The following KIAA0232 variants were observed in gnomAD, a reference collection of about 807,000 sequenced individuals.
The protein encoded by KIAA0232 is uncharacterized protein KIAA0232.
In KIAA0232, 27 loss-of-function variants were observed where a neutral mutation model predicts 122.0. The observed-to-expected ratio is 0.22, with a 90% CI of 0.16 to 0.31. The LOEUF (loss-of-function observed/expected upper bound fraction) is 0.31. Ranked by LOEUF, KIAA0232 falls within the 10% of genes least tolerant of loss-of-function variation. The pLI, the probability that KIAA0232 is intolerant of heterozygous loss-of-function variation, is 1.00. For synonymous variants in KIAA0232, 613 were observed against 587.6 expected (o/e 1.04, Z -0.63); for missense variants, 1,551 against 1,634.2 (o/e 0.95, Z 0.88).
chr4:6,879,944 C>T lies in KIAA0232; in HGVS notation c.4009-843C>T, dbSNP rs13102295. Among the ~76,000 whole-genome samples the T allele has an allele frequency of 1.5e-4, 13 of 85,434 alleles. No individual in the cohort carries two copies. The South Asian group carries it at 1.6e-3, about 11-fold the overall frequency. 56.0% of individuals were successfully genotyped at this position (85,434 alleles called of 152,430 possible). On this transcript the variant is annotated intron_variant, in intron 9 of 9. Transcript: ENST00000307659. ...ACTCCCTTCCCAACACACCCGTCTG[C>T]AGTGCCCCCTCACCATCTGTACTGT...
chr4:6,787,245 C>G (rs1437499434), intron 1 of KIAA0232, among the ~76,000 whole-genome samples: 2 of 149,706 alleles, frequency 1.3e-5, no homozygotes, highest in African/African-American at 4.9e-5. Context: ...AGATTACATG[C>G]TTTTTCTTTA....
At chr4:6,830,671 T>G (rs1366580466) in intron 3 of KIAA0232, among the ~76,000 whole-genome samples, 1 of 152,030 alleles carries the variant, frequency 6.6e-6, no homozygotes, top group East Asian at 1.9e-4. Context: ...CCTCCCAAAG[T>G]GCTGGGATTA....
chr4:6,837,671 G>C (rs1325990269), intron 3 of KIAA0232, among the ~76,000 whole-genome samples: 2 of 152,238 alleles, frequency 1.3e-5, no homozygotes, highest in Non-Finnish European at 1.5e-5. Context: ...CGGCACCTCG[G>C]GAGGCCGAAG....
intron 3 of KIAA0232, among the ~76,000 whole-genome samples, chr4:6,840,900 C>A (rs1439238011): frequency 1.3e-5 from 2 of 151,978 alleles, no homozygotes; most frequent in Non-Finnish European, 2.9e-5. Context: ...TCTTTTTATA[C>A]TCATTTCTTT....
At chr4:6,860,065 T>C (rs944669493) in intron 6 of KIAA0232, among the ~76,000 whole-genome samples, 1 of 152,202 alleles carries the variant, frequency 6.6e-6, no homozygotes, top group African/African-American at 2.4e-5. Context: ...CAAGGCTCAG[T>C]TGTGGCCCAC....
At chr4:6,874,770 G>GT (rs1721662831) in intron 8 of KIAA0232, among the ~76,000 whole-genome samples, 1 of 152,180 alleles carries the variant, frequency 6.6e-6, no homozygotes, top group Non-Finnish European at 1.5e-5. Context: ...TCATTGTAAG[G>GT]TAAAGTGCCT....
intron 7 of KIAA0232, among the ~76,000 whole-genome samples, chr4:6,865,248 G>GA (rs1428840210): frequency 1.3e-5 from 2 of 152,092 alleles, no homozygotes; most frequent in Non-Finnish European, 2.9e-5. Flanking sequence ...CACTGTTTTC[G>GA]ATATGTGAGT....
chr4:6,832,365 T>TG (rs35207570), intron 3 of KIAA0232, among the ~76,000 whole-genome samples: 2 of 151,260 alleles, frequency 1.3e-5, no homozygotes, highest in Admixed American at 1.3e-4. Flanking sequence ...TTTTTTTTTT[T>TG]GGAGAGGGAC....
At chr4:6,795,034 T>A (rs1446407122) in intron 1 of KIAA0232, among the ~76,000 whole-genome samples, 1 of 151,984 alleles carries the variant, frequency 6.6e-6, no homozygotes, top group Non-Finnish European at 1.5e-5. Context: ...GTAAGCCAGA[T>A]TGCGCAGTTA....
chr4:6,873,002 GA>G (rs529458108), intron 8 of KIAA0232, among the ~76,000 whole-genome samples: 32 of 152,234 alleles, frequency 2.1e-4, no homozygotes, highest in Admixed American at 4.6e-4. Flanking sequence ...GGAGAGCGTA[GA>G]GCTGAGTCTT....
rs866735348 is a variant in KIAA0232, at chr4:6,823,240, C to T, written c.-269-945C>T. Among the ~76,000 whole-genome samples the T allele has an allele frequency of 7.2e-5, 11 of 152,040 alleles. 1 individual carries two copies. The highest frequency in any genetic ancestry group is 6.8e-3 in the Middle Eastern group (2 of 294). On this transcript the variant is annotated intron_variant, in intron 2 of 9. Transcript: ENST00000307659. ...TGTGAATAATGCCGCAGTAAACATACGTGTGCATATGTCTTTATAGCAGCA... is the reference window on the plus strand; with the variant it reads ...TGTGAATAATGCCGCAGTAAACATATGTGTGCATATGTCTTTATAGCAGCA...
At chr4:6,821,188 T>C (rs1320402729) in intron 2 of KIAA0232, among the ~76,000 whole-genome samples, 1 of 152,262 alleles carries the variant, frequency 6.6e-6, no homozygotes, top group African/African-American at 2.4e-5. Flanking sequence ...TTTGTTTCAC[T>C]TTCATTTTGA....
At chr4:6,816,934 T>A (rs1429750901) in intron 2 of KIAA0232, among the ~76,000 whole-genome samples, 3 of 152,188 alleles carry the variant, frequency 2.0e-5, no homozygotes, top group Non-Finnish European at 4.4e-5. Context: ...GAATCTGTAG[T>A]GATCTCACCT....
chr4:6,814,509 A>G (rs971038097), intron 2 of KIAA0232, among the ~76,000 whole-genome samples: 2 of 152,180 alleles, frequency 1.3e-5, no homozygotes, highest in Non-Finnish European at 2.9e-5. Context: ...TATAAAAACA[A>G]TTTGAGTGTG....
intron 3 of KIAA0232, among the ~76,000 whole-genome samples, chr4:6,840,932 T>C (rs933969339): frequency 6.6e-6 from 1 of 152,184 alleles, no homozygotes; most frequent in East Asian, 1.9e-4. Flanking sequence ...AACAATTCAA[T>C]GCTGTTAAAT....
At chr4:6,854,959 T>C (rs1720492649) in intron 4 of KIAA0232, among the ~76,000 whole-genome samples, 1 of 152,230 alleles carries the variant, frequency 6.6e-6, no homozygotes. Flanking sequence ...AAACTGTAAA[T>C]TAACACTTTG....
rs35786154 is a variant in KIAA0232 at position 6,879,709 on chromosome 4, GGT to G, written c.4009-1075_4009-1074del. 3.3e-3 allele frequency among the ~76,000 whole-genome samples: 502 copies of G among 152,286 alleles called. 15 individuals are homozygous for G. The highest frequency in any genetic ancestry group is 0.027 in the Admixed American group (418 of 15,306). On this transcript the variant is annotated intron_variant, in intron 9 of 9. Coordinates refer to ENST00000307659, the MANE Select transcript of KIAA0232 (RefSeq NM_014743.3). Reference sequence around the variant, plus strand: ...TGGGGTCCAGAGATGCTGACCATCTGGTGTAGGGGAGACAGTCCGACACCACA... The same window carrying G: ...TGGGGTCCAGAGATGCTGACCATCTGGTAGGGGAGACAGTCCGACACCACA...
intron 9 of KIAA0232, 139 bp from the exon 10 acceptor site, chr4:6,880,648 C>A: frequency 1.8e-6 from 1 of 554,400 alleles, no homozygotes; most frequent in Non-Finnish European, 2.8e-6. Context: ...TGCTCTGAAA[C>A]AGTAAAACTC....
rs199712094 is a variant in KIAA0232, at chr4:6,866,480, A to C, written c.3801+2297A>C. Reference sequence around the variant, plus strand: ...AGGAGGCTGAGTGACCTGAAGGGACAGTTTGGGGCCAGCCTGGGACTAGAA... The same window carrying C: ...AGGAGGCTGAGTGACCTGAAGGGACCGTTTGGGGCCAGCCTGGGACTAGAA... On this transcript the variant is annotated intron_variant, in intron 7 of 9. Transcript: ENST00000307659. 1.9e-4 allele frequency among the ~76,000 whole-genome samples: 29 copies of C among 152,302 alleles called. No individual in the cohort carries two copies. In the East Asian group the frequency reaches 4.4e-3, roughly 23 times the overall value.
Sources: allele counts gnomAD v4.1 joint callset (sites outside exome capture counted in the v4.1 genomes callset), GRCh38; gene constraint gnomAD v4.1.1; transcripts MANE v1.5; gene names NCBI Gene and HGNC (gene_info 2026-07-23, HGNC 2026-07-21).